PTPRK: variants seen among roughly 807,000 people sequenced by gnomAD.
PTPRK encodes the protein receptor-type tyrosine-protein phosphatase kappa.
PTPRK carries 75 observed loss-of-function variants against 178.0 expected under a neutral mutation model. The ratio of observed to expected loss-of-function variants is 0.42; its 90% CI spans 0.35 to 0.51. PTPRK has a LOEUF of 0.51. PTPRK is among the 20% of genes least tolerant of loss of function. The pLI is 0.02. For synonymous variants in PTPRK, 637 were observed against 620.6 expected, an observed-to-expected ratio of 1.03 and a Z score of -0.39; for missense variants, 1,441 against 1,797.8, an observed-to-expected ratio of 0.80 and a Z score of 3.59.
At chr6:128,327,975 C>T (rs549462101) in intron 2 of PTPRK, among the ~76,000 whole-genome samples, 5 of 152,148 alleles carry the variant, frequency 3.3e-5, no homozygotes, top group Non-Finnish European at 7.3e-5. Flanking sequence ...CACATTCTCC[C>T]TGCAGCAGAG....
chr6:127,972,648 T>C (rs1045204042), intron 29 of PTPRK, among the ~76,000 whole-genome samples: 18 of 152,198 alleles, frequency 1.2e-4, no homozygotes, highest in African/African-American at 3.6e-4. Flanking sequence ...CTTTTAAAAA[T>C]ACTGGGTGTC....
rs1446754450 is a variant in PTPRK at position 128,519,121 on chromosome 6, GCGCT to G, written c.100+1134_100+1137del. 3.8e-6 allele frequency: 2 copies of G among 526,700 alleles called. No homozygotes were observed. The highest frequency in any genetic ancestry group is 7.8e-6 in the Non-Finnish European group (2 of 257,068). The allele number at this position is 526,700 out of a possible 1,614,324, so 32.6% of individuals were successfully genotyped here. The stretch of plus-strand genomic sequence containing the variant: ...TGCACCGCGAACCCCAGCAGCAGAT[GCGCT>G]CGCCAGCCAAGCGAAGCTGGGTAGG... On this transcript the variant is annotated intron_variant, in intron 1 of 29. Coordinates refer to ENST00000368226, the MANE Select transcript of PTPRK (RefSeq NM_002844.4). This position sits in a 1 kb window ranked among gnomAD's most constrained non-coding sequence, Gnocchi z 4.3.
At chr6:128,509,066 A>G (rs1213569938) in intron 1 of PTPRK, among the ~76,000 whole-genome samples, 1 of 152,090 alleles carries the variant, frequency 6.6e-6, no homozygotes, top group Non-Finnish European at 1.5e-5. Flanking sequence ...ACTCCGTCCT[A>G]CCCGGGACAT....
chr6:128,031,383 A>G (rs1223248892), intron 13 of PTPRK, among the ~76,000 whole-genome samples: 1 of 152,234 alleles, frequency 6.6e-6, no homozygotes, highest in Non-Finnish European at 1.5e-5. Flanking sequence ...TTTGTTTGAA[A>G]AGAAAATAAA....
At chr6:128,446,777 C>T (rs1443298110) in intron 1 of PTPRK, among the ~76,000 whole-genome samples, 1 of 152,128 alleles carries the variant, frequency 6.6e-6, no homozygotes, top group Non-Finnish European at 1.5e-5. Context: ...TCTTTAATAC[C>T]TGCTCCAGCT....
At chr6:128,345,690 TAACTC>T (rs1051470323) in intron 2 of PTPRK, among the ~76,000 whole-genome samples, 16 of 152,324 alleles carry the variant, frequency 1.1e-4, no homozygotes, top group African/African-American at 3.4e-4. Context: ...CTTCAGTACA[TAACTC>T]AGGCTGGAGA....
chr6:128,508,959 A>AG lies in PTPRK; in HGVS notation c.100+11299dup, dbSNP rs397813730. On this transcript the variant is annotated intron_variant, in intron 1 of 29. Transcript: ENST00000368226. Reference sequence around the variant, plus strand: ...CGAAACTCCATCTCAAAAAAAAAAAAGAAAAGAAAAGAAAAGAAAACGAAA... The same window carrying AG: ...CGAAACTCCATCTCAAAAAAAAAAAAGGAAAAGAAAAGAAAAGAAAACGAAA... 5.5e-3 allele frequency among the ~76,000 whole-genome samples: 801 copies of AG among 145,338 alleles called. 5 individuals are homozygous for AG. Among genetic ancestry groups the AG allele is most frequent in the East Asian group, 0.013 (65 of 5,166 alleles).
intron 29 of PTPRK, among the ~76,000 whole-genome samples, chr6:127,971,705 C>T (rs938477752): frequency 1.3e-5 from 2 of 151,628 alleles, no homozygotes; most frequent in Admixed American, 6.6e-5. Flanking sequence ...CAGAATGGCA[C>T]AGTTTAACCA....
chr6:128,000,275 C>G (rs1019600134), intron 15 of PTPRK: 2 of 1,270,174 alleles, frequency 1.6e-6, no homozygotes, highest in Non-Finnish European at 2.0e-6. Flanking sequence ...ACCAACTCTA[C>G]AAATAGGATA....
intron 1 of PTPRK, among the ~76,000 whole-genome samples, chr6:128,492,299 AC>A (rs1183946104): frequency 1.3e-5 from 2 of 151,684 alleles, no homozygotes; most frequent in African/African-American, 2.4e-5. Context: ...CCATCCATCC[AC>A]CCCCAACTGA....
At chr6:128,385,158 A>G (rs1289360903) in intron 2 of PTPRK, among the ~76,000 whole-genome samples, 1 of 150,974 alleles carries the variant, frequency 6.6e-6, no homozygotes, top group East Asian at 1.9e-4. Context: ...ACCTGTCTTA[A>G]TCAAGTGACC....
At chr6:128,268,612 A>G (rs2128296399) in intron 3 of PTPRK, among the ~76,000 whole-genome samples, 1 of 152,074 alleles carries the variant, frequency 6.6e-6, no homozygotes, top group East Asian at 1.9e-4. Flanking sequence ...TTATTCTGTA[A>G]TAATCATTGT....
At chr6:127,992,061 A>G (rs937363987) in intron 19 of PTPRK, among the ~76,000 whole-genome samples, 20 of 151,816 alleles carry the variant, frequency 1.3e-4, no homozygotes, top group African/African-American at 4.3e-4. Flanking sequence ...AAAGATGTAC[A>G]GGTTTCTCTT....
intron 3 of PTPRK, among the ~76,000 whole-genome samples, chr6:128,259,655 G>A (rs1817878339): frequency 6.6e-6 from 1 of 152,106 alleles, no homozygotes; most frequent in South Asian, 2.1e-4. Flanking sequence ...CGAATAGAGA[G>A]AGGCAAAAAA....
intron 1 of PTPRK, among the ~76,000 whole-genome samples, chr6:128,457,747 T>G (rs1848573070): frequency 6.6e-6 from 1 of 152,156 alleles, no homozygotes. Context: ...TTTGTTTACT[T>G]AGATAAAAAT....
intron 1 of PTPRK, among the ~76,000 whole-genome samples, chr6:128,491,291 T>G (rs1468466487): frequency 6.6e-6 from 1 of 152,210 alleles, no homozygotes; most frequent in Non-Finnish European, 1.5e-5. Flanking sequence ...CAGTGATATC[T>G]TTGGGGATAA....
chr6:128,429,098 TA>T (rs1844515836), intron 1 of PTPRK, among the ~76,000 whole-genome samples: 1 of 152,226 alleles, frequency 6.6e-6, no homozygotes, highest in Non-Finnish European at 1.5e-5. Context: ...TAAGAAAATG[TA>T]AGGCCTTAAA....
chr6:128,027,043 A>C (rs985840858), intron 13 of PTPRK, among the ~76,000 whole-genome samples: 1 of 152,134 alleles, frequency 6.6e-6, no homozygotes, highest in African/African-American at 2.4e-5. Context: ...TGCCCAGAAA[A>C]CTGGGATTCT....
chr6:128,364,600 T>C (rs1835227457), intron 2 of PTPRK, among the ~76,000 whole-genome samples: 1 of 152,078 alleles, frequency 6.6e-6, no homozygotes, highest in Admixed American at 6.6e-5. Context: ...TTAACAGTAA[T>C]GATGATTGAC....
Sources: gnomAD v4.1 joint callset for allele counts (sites outside exome capture counted in the v4.1 genomes callset) on GRCh38, gnomAD v4.1.1 for gene constraint, Gnocchi (gnomAD v3.1) non-coding constraint, MANE v1.5 for transcripts, NCBI Gene and HGNC (gene_info 2026-07-23, HGNC 2026-07-21) for gene names.